The following GPHN variants were observed in gnomAD, a reference collection of about 807,000 sequenced individuals.
The protein encoded by GPHN is gephyrin.
GPHN carries 17 observed loss-of-function variants against 95.5 expected under a neutral mutation model. That is an observed-to-expected ratio of 0.18 (90% confidence interval 0.12 to 0.27). GPHN has a LOEUF of 0.27. GPHN is among the 10% of genes least tolerant of loss of function. The pLI is 1.00. For synonymous variants in GPHN, 320 were observed against 322.5 expected, an observed-to-expected ratio of 0.99 and a Z score of 0.08; for missense variants, 660 against 978.1, an observed-to-expected ratio of 0.67 and a Z score of 4.34.
At chr14:67,314,134 C>CT in the GPHN span, among the ~76,000 whole-genome samples, 21 of 151,806 alleles carry the variant, frequency 1.4e-4, no homozygotes, top group African/African-American at 4.4e-4. Context: ...ACAGATTTGG[C>CT]TATAGACTTA....
rs1038101015 is a variant in GPHN, at chr14:66,820,517, G to A, written c.202-3957G>A. Among the ~76,000 whole-genome samples, 13 of 152,106 alleles carry A rather than the reference G, an allele frequency of 8.5e-5. No homozygotes were observed. In the East Asian group the frequency reaches 2.1e-3, roughly 25 times the overall value. ...TAGTTTTCCATTTCAGTGTGCCTTC[G>A]TTTCTAGAATCTTCATCTTGAATGC... On this transcript the variant is annotated intron_variant, in intron 3 of 22. Coordinates refer to ENST00000478722, the MANE Select transcript of GPHN (RefSeq NM_020806.5).
chr14:66,537,444 A>AT lies in GPHN; in HGVS notation c.64+28861dup, dbSNP rs372073957. The stretch of plus-strand genomic sequence containing the variant: ...ATCTTAGAGATTTTAATAAATCTTG[A>AT]TTTTTTTTAGTGTATCTTAATGTTT... On this transcript the variant is annotated intron_variant, in intron 1 of 22. Transcript: ENST00000478722. Among the ~76,000 whole-genome samples the AT allele has an allele frequency of 6.4e-3, 973 of 150,922 alleles. 14 individuals carry two copies. Among genetic ancestry groups the AT allele is most frequent in the African/African-American group, 0.022 (900 of 40,526 alleles).
At chr14:67,215,767 C>T in the GPHN span, among the ~76,000 whole-genome samples, 1 of 152,246 alleles carries the variant, frequency 6.6e-6, no homozygotes, top group Admixed American at 6.5e-5. Flanking sequence ...AATCATTGAT[C>T]AGGTCTGGTC....
At chr14:67,727,481 T>TG in the GPHN span, 10 of 347,916 alleles carry the variant, frequency 2.9e-5, no homozygotes, top group Non-Finnish European at 3.8e-5. Flanking sequence ...TTTTTGTTTT[T>TG]TTTGTTTTTT....
intron 2 of GPHN, among the ~76,000 whole-genome samples, chr14:66,758,405 C>A (rs1361397163): frequency 6.6e-6 from 1 of 152,196 alleles, no homozygotes; most frequent in East Asian, 1.9e-4. Context: ...TAACTGCTTT[C>A]TGCTGATAGA....
chr14:67,067,093 G>A lies in GPHN; in HGVS notation c.1144+8307G>A, dbSNP rs572460170. Among the ~76,000 whole-genome samples, 10 of 152,260 alleles carry A rather than the reference G, an allele frequency of 6.6e-5. No individual in the cohort carries two copies. In the South Asian group the frequency reaches 1.2e-3, roughly 19 times the overall value. ...TTATCTACCTTTGGTCTTTGACGTT[G>A]GTGACCTACAGATGGGGTTTTGGTG... is the stretch of plus-strand genomic sequence containing the variant. On this transcript the variant is annotated intron_variant, in intron 11 of 22. Transcript: ENST00000478722.
intron 1 of GPHN, among the ~76,000 whole-genome samples, chr14:66,612,536 T>C (rs2062827377): frequency 2.0e-5 from 3 of 152,074 alleles, no homozygotes; most frequent in Admixed American, 2.0e-4. Context: ...GTTTTTGCAT[T>C]CCTCCACTTC....
chr14:66,831,354 G>A (rs918675332), intron 4 of GPHN, among the ~76,000 whole-genome samples: 1 of 152,056 alleles, frequency 6.6e-6, no homozygotes. Flanking sequence ...TATGCAAATA[G>A]GATAATTTAA....
the GPHN span, among the ~76,000 whole-genome samples, chr14:67,196,350 G>T: frequency 2.0e-5 from 3 of 151,896 alleles, no homozygotes; most frequent in Non-Finnish European, 4.4e-5. Flanking sequence ...CCGAATAGCT[G>T]GGATTACAGG....
intron 2 of GPHN, among the ~76,000 whole-genome samples, chr14:66,749,270 A>G (rs906791491): frequency 5.3e-5 from 8 of 151,946 alleles, no homozygotes; most frequent in Admixed American, 3.9e-4. Flanking sequence ...GTTGTTTACA[A>G]GTTTTGGCCA....
the GPHN span, among the ~76,000 whole-genome samples, chr14:67,332,292 C>T: frequency 6.6e-6 from 1 of 152,162 alleles, no homozygotes; most frequent in Non-Finnish European, 1.5e-5. Flanking sequence ...GTTTCCCAAA[C>T]TCTGGTAGGA....
At chr14:67,005,832 A>G (rs1171003972) in intron 9 of GPHN, among the ~76,000 whole-genome samples, 2 of 151,934 alleles carry the variant, frequency 1.3e-5, no homozygotes, top group East Asian at 3.9e-4. Context: ...GGGTTATTAT[A>G]TAAAATAATT....
the GPHN span, chr14:67,555,873 A>G: frequency 5.0e-6 from 8 of 1,613,644 alleles, no homozygotes; most frequent in Non-Finnish European, 6.8e-6. Flanking sequence ...GAGAGCAGAG[A>G]ACGCTGAGAC....
the GPHN span, chr14:67,659,818 C>T: frequency 6.2e-7 from 1 of 1,614,144 alleles, no homozygotes; most frequent in Non-Finnish European, 8.5e-7. Flanking sequence ...TTCTCACCTC[C>T]CGATGGAGTT....
chr14:67,674,506 G>A, the GPHN span: 1 of 1,576,320 alleles, frequency 6.3e-7, no homozygotes, highest in Non-Finnish European at 8.6e-7. Flanking sequence ...GGCCGCGCTG[G>A]AGCAGCGGCC....
the GPHN span, among the ~76,000 whole-genome samples, chr14:67,621,143 C>T: frequency 2.0e-5 from 3 of 152,190 alleles, no homozygotes; most frequent in Non-Finnish European, 4.4e-5. Flanking sequence ...GGAAAGTCTT[C>T]TTGCAATAAA....
At chr14:67,156,342 T>C (rs1462920333) in intron 18 of GPHN, among the ~76,000 whole-genome samples, 1 of 152,130 alleles carries the variant, frequency 6.6e-6, no homozygotes, top group Admixed American at 6.6e-5. Context: ...CGTATATGCT[T>C]AAAATGCATG....
the GPHN span, among the ~76,000 whole-genome samples, chr14:67,634,581 C>A: frequency 2.8e-5 from 4 of 142,352 alleles, no homozygotes; most frequent in African/African-American, 7.7e-5. Context: ...GCAACAGAAC[C>A]AGACCGTGTC....
intron 10 of GPHN, among the ~76,000 whole-genome samples, chr14:67,054,755 T>A (rs575665994): frequency 6.6e-6 from 1 of 152,102 alleles, no homozygotes; most frequent in East Asian, 1.9e-4. Context: ...AACAGACACA[T>A]AGACCAGTGG....
Sources: gnomAD v4.1 joint callset for allele counts (sites outside exome capture counted in the v4.1 genomes callset) on GRCh38, gnomAD v4.1.1 for gene constraint, MANE v1.5 for transcripts, NCBI Gene and HGNC (gene_info 2026-07-23, HGNC 2026-07-21) for gene names.